PRP4K: variants seen among roughly 807,000 people sequenced by gnomAD.
PRP4K encodes the protein serine/threonine-protein kinase PRP4 homolog.
At chr6:4,062,600 A>G in the PRP4K span, 1 of 152,600 alleles carries the variant, frequency 6.6e-6, no homozygotes, top group Non-Finnish European at 1.5e-5. This position sits in a 1 kb window ranked among gnomAD's most constrained non-coding sequence, Gnocchi z 4.2. Context: ...GCATTCAAGA[A>G]TGGAAAATCA....
the PRP4K span, chr6:4,043,729 T>G: frequency 2.3e-6 from 3 of 1,317,486 alleles, no homozygotes; most frequent in East Asian, 7.5e-5. Context: ...CTCTTAACTT[T>G]TCACTGCAGC....
the PRP4K span, chr6:4,037,334 A>C: frequency 7.1e-7 from 1 of 1,406,210 alleles, no homozygotes; most frequent in South Asian, 1.6e-5. Context: ...TGTTCTTTGC[A>C]TATAGAAAAA....
At chr6:4,042,068 G>A in the PRP4K span, among the ~76,000 whole-genome samples, 1 of 152,288 alleles carries the variant, frequency 6.6e-6, no homozygotes, top group African/African-American at 2.4e-5. Context: ...TTTTTGATAG[G>A]GAAGTACGGG....
At chr6:4,051,975 A>G in the PRP4K span, 1 of 1,579,450 alleles carries the variant, frequency 6.3e-7, no homozygotes, top group Non-Finnish European at 8.6e-7. Context: ...CTGGTTTAAA[A>G]GAATTAGAGT....
the PRP4K span, chr6:4,057,183 A>G: frequency 6.2e-7 from 1 of 1,611,502 alleles, no homozygotes; most frequent in Non-Finnish European, 8.5e-7. Context: ...AAGATGCCAA[A>G]TAAGGTAAGA....
At chr6:4,053,220 G>A in the PRP4K span, among the ~76,000 whole-genome samples, 1 of 151,470 alleles carries the variant, frequency 6.6e-6, no homozygotes, top group Non-Finnish European at 1.5e-5. Flanking sequence ...AGGAGTGTCC[G>A]TACTCTTCTG....
chr6:4,041,585 T>C, the PRP4K span, among the ~76,000 whole-genome samples: 2 of 152,058 alleles, frequency 1.3e-5, no homozygotes, highest in Admixed American at 6.6e-5. Context: ...GCAGACTTGA[T>C]TGTCTAAGTG....
the PRP4K span, among the ~76,000 whole-genome samples, chr6:4,022,453 G>GTT: frequency 5.7e-5 from 4 of 70,320 alleles, no homozygotes; most frequent in African/African-American, 6.0e-5. Context: ...TATAGCGACC[G>GTT]TTTTTTTTTT....
the PRP4K span, among the ~76,000 whole-genome samples, chr6:4,030,592 C>A: frequency 6.6e-6 from 1 of 152,202 alleles, no homozygotes; most frequent in African/African-American, 2.4e-5. Flanking sequence ...AATTTAGAAT[C>A]ATAAACTTTT....
chr6:4,028,764 T>G, the PRP4K span, among the ~76,000 whole-genome samples: 1 of 152,184 alleles, frequency 6.6e-6, no homozygotes, highest in Non-Finnish European at 1.5e-5. Flanking sequence ...TACCCTGTAG[T>G]GGCTATGTGT....
chr6:4,025,620 A>G, the PRP4K span, among the ~76,000 whole-genome samples: 1 of 152,242 alleles, frequency 6.6e-6, no homozygotes, highest in Admixed American at 6.5e-5. Flanking sequence ...CTAGTCACTC[A>G]TGGGAATGAC....
At chr6:4,032,423 C>G in the PRP4K span, 2 of 1,613,958 alleles carry the variant, frequency 1.2e-6, no homozygotes, top group African/African-American at 2.7e-5. Flanking sequence ...GAGGTAAATC[C>G]AAAGACAGAA....
At chr6:4,040,731 C>G in the PRP4K span, 1 of 1,587,128 alleles carries the variant, frequency 6.3e-7, no homozygotes, top group African/African-American at 1.4e-5. Flanking sequence ...CCCACTTTGA[C>G]ATTTAAAAAA....
chr6:4,033,729 G>T, the PRP4K span, among the ~76,000 whole-genome samples: 2 of 152,262 alleles, frequency 1.3e-5, no homozygotes, highest in East Asian at 3.9e-4. Flanking sequence ...CACCCTGAAA[G>T]TGAAGTCATC....
chr6:4,056,688 G>A, the PRP4K span: 1 of 1,547,554 alleles, frequency 6.5e-7, no homozygotes, highest in Non-Finnish European at 8.7e-7. Context: ...GATTATTCAA[G>A]GTCTGATTAT....
the PRP4K span, chr6:4,032,831 A>G: frequency 0.91 from 1,233,570 of 1,351,778 alleles, 563,561 homozygotes; most frequent in African/African-American, 0.92. Flanking sequence ...CTTGTGGACC[A>G]TTAAAAATGA....
chr6:4,064,939 A>C, the PRP4K span: 1 of 152,574 alleles, frequency 6.6e-6, no homozygotes, highest in East Asian at 1.9e-4. Context: ...GCATGTTTCT[A>C]ATTGACTTAC....
the PRP4K span, among the ~76,000 whole-genome samples, chr6:4,041,181 G>C: frequency 2.2e-4 from 34 of 152,226 alleles, no homozygotes; most frequent in Middle Eastern, 3.4e-3. Flanking sequence ...CCTACCCTTT[G>C]TTTTTATTAT....
chr6:4,048,883 G>T, the PRP4K span: 2 of 546,950 alleles, frequency 3.7e-6, no homozygotes, highest in African/African-American at 2.0e-5. Context: ...ATAAGTGATA[G>T]TAAGAATTTA....
Sources: gnomAD v4.1 joint callset for allele counts (sites outside exome capture counted in the v4.1 genomes callset) on GRCh38, gnomAD v4.1.1 for gene constraint, Gnocchi (gnomAD v3.1) non-coding constraint, MANE v1.5 for transcripts, NCBI Gene and HGNC (gene_info 2026-07-23, HGNC 2026-07-21) for gene names.